The following LACTBL1 variants were observed in gnomAD, a reference collection of about 807,000 sequenced individuals.
LACTBL1 encodes beta-lactamase-like protein 1.
LACTBL1 carries 29 observed loss-of-function variants against 39.6 expected under a neutral mutation model. That is an observed-to-expected ratio of 0.73 (90% CI 0.55 to 1.00). The LOEUF is 1.00. LACTBL1 is among the 50% of genes least tolerant of loss of function. The pLI, the probability that LACTBL1 is intolerant of heterozygous loss-of-function variation, is 0.00. For synonymous variants in LACTBL1, 361 were observed against 360.7 expected (o/e 1.00, Z -0.01); for missense variants, 711 against 748.5 (o/e 0.95, Z 0.59).
chr1:22,955,739 T>C (rs988774695), intron 4 of LACTBL1, among the ~76,000 whole-genome samples: 2 of 152,128 alleles, frequency 1.3e-5, no homozygotes, highest in African/African-American at 4.8e-5. Flanking sequence ...ACATACTAAC[T>C]GCTCAAAAAA....
exon 6 of LACTBL1, chr1:22,953,653 T>C (rs1640731569): frequency 7.9e-7 from 1 of 1,271,028 alleles, no homozygotes; most frequent in African/African-American, 1.6e-5. Context: ...CGTGCCCGTC[T>C]CGTTGGCGAA....
intron 2 of LACTBL1, 32 bp from the exon 5 acceptor site, chr1:22,960,131 C>T: frequency 1.3e-6 from 2 of 1,547,582 alleles, no homozygotes. Context: ...CAGTGACAGG[C>T]CCCCCTGCCC....
exon 1 of LACTBL1, chr1:22,965,290 C>A (rs1640865524): frequency 6.1e-6 from 8 of 1,315,622 alleles, no homozygotes; most frequent in Non-Finnish European, 7.8e-6. Context: ...CTGCACTCAC[C>A]GGTCTTCAGC....
intron 2 of LACTBL1, among the ~76,000 whole-genome samples, chr1:22,960,629 A>AC (rs1011356781): frequency 2.0e-5 from 3 of 150,316 alleles, no homozygotes; most frequent in African/African-American, 7.4e-5. Context: ...AAAAAAAAAA[A>AC]AAAAAAAAAA....
Position 22,953,296 on chromosome 1 carries a change from AGCGCCTCCACGCGCGGCCCGAACTG to A in LACTBL1, c.1363_1387del (p.Gln455TrpfsTer?). On this transcript the variant is annotated frameshift_variant, in exon 6 of 6. Coordinates refer to ENST00000426928, the Ensembl canonical transcript of LACTBL1. LOFTEE classifies it high-confidence loss of function. ...CAGGGTGCGGAACGCTGGAGGCACC[AGCGCCTCCACGCGCGGCCCGAACTG>A]GCGCAGGCGCAGCTCGCCCGCCGGC... The A allele has an allele frequency of 8.2e-7, 1 of 1,226,504 alleles. No individual in the cohort carries two copies. 76.0% of individuals were successfully genotyped at this position (1,226,504 alleles called of 1,614,324 possible).
At chr1:22,969,888 C>T (rs1640921173), upstream of LACTBL1, among the ~76,000 whole-genome samples, 1 of 152,160 alleles carries the variant, frequency 6.6e-6, no homozygotes, top group African/African-American at 2.4e-5. Flanking sequence ...GGCTCTTATG[C>T]CTTGGACACC....
At chr1:22,957,513 G>T (rs1640773281) in intron 4 of LACTBL1, among the ~76,000 whole-genome samples, 1 of 152,078 alleles carries the variant, frequency 6.6e-6, no homozygotes, top group South Asian at 2.1e-4. Context: ...CACAACCTCA[G>T]CAACTCAGGG....
intron 1 of LACTBL1, among the ~76,000 whole-genome samples, chr1:22,964,368 C>T (rs912862091): frequency 6.6e-6 from 1 of 152,176 alleles, no homozygotes; most frequent in African/African-American, 2.4e-5. Context: ...TTACTCCCTG[C>T]GAACACTGCC....
At chr1:22,962,344 A>G (rs1010214264) in intron 2 of LACTBL1, among the ~76,000 whole-genome samples, 5 of 151,722 alleles carry the variant, frequency 3.3e-5, no homozygotes, top group Admixed American at 3.3e-4. Context: ...TATTCCTCGG[A>G]TGATAGTTTT....
In LACTBL1 at chr1:22,959,498, T is replaced by C. The variant is rs1011570102; in HGVS notation, c.317+444A>G. Among the ~76,000 whole-genome samples the C allele has an allele frequency of 2.0e-5, 3 of 152,228 alleles. No homozygotes were observed. The South Asian group carries it at 6.2e-4, about 31-fold the overall frequency. On this transcript the variant is annotated intron_variant, in intron 3 of 5. Coordinates refer to ENST00000426928, the Ensembl canonical transcript of LACTBL1. ...CACTCTGCATCATGAACTTTGAGGA[T>C]CCTGCAGGCAGCATGCAGAAGGGGA... is the stretch of plus-strand genomic sequence containing the variant.
At chr1:22,955,218 G>C in intron 5 of LACTBL1, 103 bp downstream of exon 7, 1 of 904,064 alleles carries the variant, frequency 1.1e-6, no homozygotes, top group Non-Finnish European at 1.7e-6. Context: ...GTCTCTCCCG[G>C]CTCTGCCAAC....
chr1:22,956,783 T>G (rs1282087273), intron 4 of LACTBL1, among the ~76,000 whole-genome samples: 1 of 152,142 alleles, frequency 6.6e-6, no homozygotes, highest in Non-Finnish European at 1.5e-5. Flanking sequence ...CCCCCAACCT[T>G]GTCGACTTCA....
upstream of LACTBL1, among the ~76,000 whole-genome samples, chr1:22,966,496 A>G (rs1326442280): frequency 6.6e-6 from 1 of 152,204 alleles, no homozygotes; most frequent in Non-Finnish European, 1.5e-5. Context: ...TGAGAAATGA[A>G]AGGAGACATC....
chr1:22,954,179 G>C (rs1486098768), intron 5 of LACTBL1, among the ~76,000 whole-genome samples, 155 bp from the exon 8 acceptor site: 1 of 152,200 alleles, frequency 6.6e-6, no homozygotes, highest in African/African-American at 2.4e-5. Context: ...TTGGAGCACT[G>C]ACTCTGACTC....
At chr1:22,953,395 G>T (rs1570496743) in exon 6 of LACTBL1, 1 of 1,228,048 alleles carries the variant, frequency 8.1e-7, no homozygotes, top group East Asian at 3.2e-5. Flanking sequence ...GAAGTAGCCG[G>T]CGAAGGGGTG....
At chr1:22,956,907 G>A (rs143295135) in intron 4 of LACTBL1, among the ~76,000 whole-genome samples, 18 of 151,972 alleles carry the variant, frequency 1.2e-4, no homozygotes, top group East Asian at 7.7e-4. Flanking sequence ...GAAAATTTTC[G>A]TCTTACCCTT....
intron 2 of LACTBL1, among the ~76,000 whole-genome samples, 167 bp downstream of exon 4, chr1:22,962,940 G>GTC (rs1379997260): frequency 6.6e-6 from 1 of 152,228 alleles, no homozygotes; most frequent in Non-Finnish European, 1.5e-5. Flanking sequence ...GCAGGTCAGT[G>GTC]TCTTCTTCCT....
At position 22,954,196 on chromosome 1, in the gene LACTBL1, A is replaced by G. The variant is rs549810940; in HGVS notation, c.660-172T>C. Among the ~76,000 whole-genome samples the G allele has an allele frequency of 2.0e-5, 3 of 152,194 alleles. No homozygotes were observed. In the East Asian group the frequency reaches 5.8e-4, roughly 29 times the overall value. On this transcript the variant is annotated intron_variant, in intron 5 of 5. Transcript: ENST00000426928. ...GGAGCACTGACTCTGACTCTCTTCT[A>G]CATCTGGGAAGACCAAGGCCCAGAG...
chr1:22,958,653 T>C (rs542435277), intron 4 of LACTBL1, 32 bp downstream of exon 6: 772 of 1,489,000 alleles, frequency 5.2e-4, no homozygotes, highest in Middle Eastern at 9.5e-4. Context: ...CTGAAATGGT[T>C]TGGGTCAGCC....
Sources: gnomAD v4.1 joint callset for allele counts (sites outside exome capture counted in the v4.1 genomes callset) on GRCh38, gnomAD v4.1.1 for gene constraint, MANE v1.5 for transcripts, NCBI Gene and HGNC (gene_info 2026-07-23, HGNC 2026-07-21) for gene names.